Variants in GSE1 observed in about 807,000 individuals in gnomAD.
The protein encoded by GSE1 is Gse1 coiled-coil protein.
GSE1 carries 32 observed loss-of-function variants against 112.6 expected under a neutral mutation model. That is an observed-to-expected ratio of 0.28 (90% CI 0.21 to 0.38). GSE1 has a LOEUF of 0.38. Among genes scored for constraint, GSE1 ranks in the 10% least tolerant of loss-of-function variants. GSE1 has a pLI of 1.00. For missense variants in GSE1, 2,348 were observed against 1,699.2 expected (o/e 1.38, Z -6.71); for synonymous variants, 1,115 against 735.6 (o/e 1.52, Z -8.35).
At chr16:85,319,001 G>C (rs1315442955) in intron 1 of GSE1, among the ~76,000 whole-genome samples, 1 of 152,192 alleles carries the variant, frequency 6.6e-6, no homozygotes, top group Non-Finnish European at 1.5e-5. Flanking sequence ...CGCATCACCT[G>C]GTGTCTGGTG....
Position 85,661,435 on chromosome 16 carries a change from G to C in GSE1, c.1930G>C (p.Ala644Pro). 1.2e-6 allele frequency: 2 copies of C among 1,612,086 alleles called. No individual in the cohort carries two copies. Among genetic ancestry groups the C allele is most frequent in the East Asian group, 4.5e-5 (2 of 44,864 alleles). The change falls in exon 9 of 16, where the codon GCC becomes CCC. Residue 644 changes from alanine (A) to proline (P), a missense_variant. Ala to Pro is a conservative substitution (Grantham distance 27). Coordinates refer to ENST00000253458, the MANE Select transcript of GSE1 (RefSeq NM_014615.5). ...GGAGGGGCCACGGAAGCGTGAGCCT[G>C]CCCCTCTGGACAAGTACCAGCCACC... ...AEEGPRKREP[A>P]PLDKYQPPPP...
chr16:85,509,282 G>A (rs536827782), intron 2 of GSE1, among the ~76,000 whole-genome samples: 164 of 152,326 alleles, frequency 1.1e-3, no homozygotes, highest in African/African-American at 3.6e-3. Flanking sequence ...CAAGAGTCCT[G>A]GTCGTGGGAA....
In GSE1 at chr16:85,404,347, C is replaced by A. The variant is rs1266988182; in HGVS notation, c.2464+46704C>A. Among the ~76,000 whole-genome samples, 14 of 66,018 alleles carry A rather than the reference C, an allele frequency of 2.1e-4. 1 individual carries two copies. Among genetic ancestry groups the A allele is most frequent in the African/African-American group, 9.7e-4 (14 of 14,488 alleles). 43.3% of individuals were successfully genotyped at this position (66,018 alleles called of 152,430 possible). On this transcript the variant is annotated intron_variant, in intron 2 of 2. Coordinates refer to the GSE1 transcript ENST00000637419. ...CACTCAGGGCCCCCCGGATAATCCT[C>A]ACCGTTACACTCAGGGCCCCCCTGG...
At chr16:85,358,132 G>C (rs72811730) in intron 2 of GSE1, among the ~76,000 whole-genome samples, 36,666 of 152,036 alleles carry the variant, frequency 0.24, 4,761 homozygotes, top group South Asian at 0.38. Context: ...GCCAGCCACA[G>C]GCGTGCTGTG....
At chr16:85,316,771 TG>T (rs1411883495) in intron 1 of GSE1, among the ~76,000 whole-genome samples, 1 of 152,172 alleles carries the variant, frequency 6.6e-6, no homozygotes, top group East Asian at 1.9e-4. Flanking sequence ...GCCTATTTCC[TG>T]TGTGTCTTGG....
intron 2 of GSE1, among the ~76,000 whole-genome samples, chr16:85,488,518 T>C (rs2050911681): frequency 6.6e-6 from 1 of 151,838 alleles, no homozygotes; most frequent in African/African-American, 2.4e-5. Flanking sequence ...AGCTCCCTGT[T>C]CCTGCCAGGT....
intron 2 of GSE1, among the ~76,000 whole-genome samples, chr16:85,413,235 C>A (rs1860144086): frequency 6.6e-6 from 1 of 152,214 alleles, no homozygotes; most frequent in African/African-American, 2.4e-5. Flanking sequence ...GGCTGAGGGA[C>A]CCCCATCTCC....
chr16:85,491,942 C>T (rs984107886), intron 2 of GSE1, among the ~76,000 whole-genome samples: 2 of 152,120 alleles, frequency 1.3e-5, no homozygotes, highest in African/African-American at 2.4e-5. Flanking sequence ...TCTGCCTGTC[C>T]CTGTCCCCGC....
chr16:85,653,396 C>T lies in GSE1; in HGVS notation c.427-882C>T, dbSNP rs191546945. ...TCTGGTTTCTCCGGGCTGGACCCTG[C>T]GTGTGTGCGGGGCAGCCTCTGCGTG... On this transcript the variant is annotated intron_variant, in intron 3 of 15. Transcript: ENST00000253458. 2.8e-3 allele frequency among the ~76,000 whole-genome samples: 410 copies of T among 145,376 alleles called. 1 individual carries two copies. Among genetic ancestry groups the T allele is most frequent in the African/African-American group, 9.2e-3 (362 of 39,264 alleles).
At chr16:85,492,437 T>C (rs1418526903) in intron 2 of GSE1, among the ~76,000 whole-genome samples, 1 of 152,184 alleles carries the variant, frequency 6.6e-6, no homozygotes, top group African/African-American at 2.4e-5. Flanking sequence ...CCAGCAATGA[T>C]GGCAACAGCA....
intron 2 of GSE1, among the ~76,000 whole-genome samples, chr16:85,413,353 G>T (rs2048627861): frequency 6.6e-6 from 1 of 152,118 alleles, no homozygotes; most frequent in African/African-American, 2.4e-5. Flanking sequence ...TGGAGGGAGG[G>T]TCCAGGAGGG....
At chr16:85,197,432 G>A (rs1015304286) in intron 1 of GSE1, among the ~76,000 whole-genome samples, 3 of 152,250 alleles carry the variant, frequency 2.0e-5, no homozygotes, top group Admixed American at 1.3e-4. Context: ...TGCTTACAGC[G>A]TCTTTAACTC....
intron 1 of GSE1, 44 bp from the exon 2 acceptor site, chr16:85,633,849 CCCTGCTCTGGTGCTGGGCGCT>C (rs1460210759): frequency 1.9e-5 from 25 of 1,330,468 alleles, no homozygotes; most frequent in Admixed American, 3.7e-5. Flanking sequence ...GCCCTGCCGA[CCCTGCTCTGGTGCTGGGCGCT>C]CCTGCTCTCT....
At chr16:85,526,030 G>T (rs1450314423) in intron 2 of GSE1, among the ~76,000 whole-genome samples, 1 of 152,202 alleles carries the variant, frequency 6.6e-6, no homozygotes, top group African/African-American at 2.4e-5. Context: ...TCCTGGGACC[G>T]TGCAACTTTC....
At position 85,410,190 on chromosome 16, in the gene GSE1, T is replaced by G. The variant is rs575869132; in HGVS notation, c.2464+52547T>G. 1.2e-4 allele frequency among the ~76,000 whole-genome samples: 5 copies of G among 42,614 alleles called. No individual in the cohort carries two copies. In the South Asian group the frequency reaches 5.7e-3, roughly 49 times the overall value. The allele number at this position is 42,614 out of a possible 152,430, so 28.0% of individuals were successfully genotyped here. The stretch of plus-strand genomic sequence containing the variant: ...GGCCCCCCTGGATAATCCTCACTGT[T>G]ACACTCAGGCCCCCGGATAATCCTC... On this transcript the variant is annotated intron_variant, in intron 2 of 2. Transcript: ENST00000637419.
intron 1 of GSE1, among the ~76,000 whole-genome samples, chr16:85,271,583 C>T (rs1030909473): frequency 1.1e-4 from 16 of 152,352 alleles, no homozygotes; most frequent in African/African-American, 2.2e-4. Flanking sequence ...TTGCAGCCCA[C>T]GCTGGCTTTC....
At chr16:85,604,682 C>T (rs185699887) in intron 1 of GSE1, among the ~76,000 whole-genome samples, 3 of 108,810 alleles carry the variant, frequency 2.8e-5, no homozygotes, top group Non-Finnish European at 5.2e-5. Context: ...GAGGTCGAGA[C>T]TGCAGTGAGC....
intron 2 of GSE1, among the ~76,000 whole-genome samples, chr16:85,361,384 CA>C (rs2047077914): frequency 2.7e-5 from 4 of 148,068 alleles, no homozygotes; most frequent in Admixed American, 6.8e-5. Flanking sequence ...CAGACCCCCC[CA>C]CACACAAACA....
chr16:85,454,882 T>C (rs2049783308), intron 2 of GSE1, among the ~76,000 whole-genome samples: 1 of 152,184 alleles, frequency 6.6e-6, no homozygotes. Flanking sequence ...CTCAGGAGCC[T>C]TAAGTTAATC....
Sources: allele counts gnomAD v4.1 joint callset (sites outside exome capture counted in the v4.1 genomes callset), GRCh38; gene constraint gnomAD v4.1.1; transcripts MANE v1.5; gene names NCBI Gene and HGNC (gene_info 2026-07-23, HGNC 2026-07-21).